The following ACAP2 variants were observed in gnomAD, a reference collection of about 807,000 sequenced individuals.
ACAP2 encodes the protein ArfGAP with coiled-coil, ankyrin repeat and PH domains 2, also known as arf-GAP with coiled-coil, ANK repeat and PH domain-containing protein 2.
ACAP2 carries 39 observed loss-of-function variants against 115.8 expected under a neutral mutation model. That is an observed-to-expected ratio of 0.34 (90% CI 0.26 to 0.44). The LOEUF is 0.44. Ranked by LOEUF, ACAP2 falls within the 20% of genes least tolerant of loss-of-function variation. ACAP2 has a pLI of 1.00. For missense variants in ACAP2, 662 were observed against 927.6 expected (o/e 0.71, Z 3.72); for synonymous variants, 289 against 315.8 (o/e 0.92, Z 0.90).
chr3:195,400,174 G>A (rs1190172118), intron 1 of ACAP2, among the ~76,000 whole-genome samples: 3 of 148,316 alleles, frequency 2.0e-5, no homozygotes, highest in Non-Finnish European at 4.4e-5. Context: ...ATGACAGTCC[G>A]TCTCAAAAAA....
chr3:195,392,636 T>C (rs968579538), intron 1 of ACAP2, among the ~76,000 whole-genome samples: 3 of 152,214 alleles, frequency 2.0e-5, no homozygotes, highest in Non-Finnish European at 2.9e-5. Flanking sequence ...TCATCTCTCT[T>C]CTTCTCCTAG....
chr3:195,428,892 C>T (rs772197810), intron 1 of ACAP2, among the ~76,000 whole-genome samples: 17 of 152,262 alleles, frequency 1.1e-4, no homozygotes, highest in South Asian at 4.1e-4. Context: ...CTTATAAACA[C>T]GTTTACCCCT....
intron 21 of ACAP2, 35 bp from the exon 22 acceptor site, chr3:195,285,892 TATATA>T (rs763885785): frequency 4.1e-6 from 6 of 1,452,816 alleles, no homozygotes; most frequent in East Asian, 2.4e-5. Flanking sequence ...TAGATGACAT[TATATA>T]ATATAAATGT....
chr3:195,338,560 A>G (rs1378067795), intron 6 of ACAP2, among the ~76,000 whole-genome samples: 1 of 152,170 alleles, frequency 6.6e-6, no homozygotes, highest in African/African-American at 2.4e-5. Flanking sequence ...GCTTCAAGCA[A>G]TCCTCCTGCC....
intron 8 of ACAP2, among the ~76,000 whole-genome samples, chr3:195,329,655 T>A (rs1163258860): frequency 6.6e-6 from 1 of 152,178 alleles, no homozygotes; most frequent in Non-Finnish European, 1.5e-5. Context: ...TTCTACTGCC[T>A]GGGTCCCCAG....
At chr3:195,307,122 G>T in intron 12 of ACAP2, 101 bp downstream of exon 12, 2 of 857,868 alleles carry the variant, frequency 2.3e-6, no homozygotes, top group Non-Finnish European at 1.9e-6. Flanking sequence ...TTTCTCTTTA[G>T]CACAGATACA....
intron 21 of ACAP2, among the ~76,000 whole-genome samples, chr3:195,286,451 C>G (rs1726850551): frequency 6.6e-6 from 1 of 152,162 alleles, no homozygotes; most frequent in South Asian, 2.1e-4. Context: ...GATTAAGAAG[C>G]TAAGTATTTC....
chr3:195,303,940 T>C (rs1728237399), intron 13 of ACAP2, among the ~76,000 whole-genome samples: 1 of 151,954 alleles, frequency 6.6e-6, no homozygotes, highest in Non-Finnish European at 1.5e-5. Context: ...GGTGAGTGGA[T>C]CACAAGGTCA....
intron 1 of ACAP2, among the ~76,000 whole-genome samples, chr3:195,411,883 T>C (rs1355531954): frequency 1.3e-5 from 2 of 148,718 alleles, no homozygotes; most frequent in African/African-American, 5.0e-5. Context: ...TGTCTCTATT[T>C]AGTAATAAGG....
At chr3:195,412,512 T>C (rs1713364142) in intron 1 of ACAP2, among the ~76,000 whole-genome samples, 1 of 152,058 alleles carries the variant, frequency 6.6e-6, no homozygotes, top group Non-Finnish European at 1.5e-5. Flanking sequence ...CTCAGGAGGC[T>C]GAGGCAGGAG....
intron 7 of ACAP2, chr3:195,335,964 G>A (rs556635380): frequency 3.5e-5 from 5 of 142,554 alleles, no homozygotes; most frequent in African/African-American, 1.1e-4. Context: ...ACAATGGCGC[G>A]ATTTCGGCTC....
chr3:195,425,053 A>G (rs1714577069), intron 1 of ACAP2, among the ~76,000 whole-genome samples: 1 of 149,006 alleles, frequency 6.7e-6, no homozygotes, highest in Admixed American at 6.7e-5. Context: ...AAAAAAAAAA[A>G]AGAGTTGATT....
At chr3:195,369,110 A>C (rs1732944442) in intron 4 of ACAP2, among the ~76,000 whole-genome samples, 2 of 150,570 alleles carry the variant, frequency 1.3e-5, no homozygotes, top group Non-Finnish European at 3.0e-5. Flanking sequence ...AAAAAAAAAG[A>C]GGAAGAAATT....
chr3:195,410,358 G>T (rs1216673737), intron 1 of ACAP2, among the ~76,000 whole-genome samples: 2 of 152,106 alleles, frequency 1.3e-5, no homozygotes, highest in East Asian at 3.8e-4. Context: ...CACTGAATTT[G>T]GTAATTTCTT....
chr3:195,363,310 G>C (rs2108702952), intron 4 of ACAP2, among the ~76,000 whole-genome samples: 1 of 152,272 alleles, frequency 6.6e-6, no homozygotes, highest in East Asian at 1.9e-4. Flanking sequence ...AATTAATGGA[G>C]AGACATTCTA....
chr3:195,280,423 G>A (rs1726422133), intron 22 of ACAP2, among the ~76,000 whole-genome samples: 4 of 152,014 alleles, frequency 2.6e-5, no homozygotes, highest in Admixed American at 2.6e-4. Context: ...AGTGAGCTGA[G>A]ATCGCACCAC....
intron 4 of ACAP2, among the ~76,000 whole-genome samples, chr3:195,347,341 A>G (rs183511777): frequency 6.6e-6 from 1 of 152,304 alleles, no homozygotes; most frequent in African/African-American, 2.4e-5. Context: ...ATGACATTAT[A>G]TTAAGTTACA....
At chr3:195,427,122 A>C (rs1240996203) in intron 1 of ACAP2, among the ~76,000 whole-genome samples, 1 of 152,234 alleles carries the variant, frequency 6.6e-6, no homozygotes, top group Non-Finnish European at 1.5e-5. Context: ...AGGGAGTATC[A>C]CAACCACTGC....
At chr3:195,294,902 C>A in intron 17 of ACAP2, 91 bp from the exon 18 acceptor site, 1 of 741,428 alleles carries the variant, frequency 1.3e-6, no homozygotes, top group Admixed American at 2.1e-5. Flanking sequence ...AGCTCTTACA[C>A]ATCAACATGA....
Sources: gnomAD v4.1 joint callset for allele counts (sites outside exome capture counted in the v4.1 genomes callset) on GRCh38, gnomAD v4.1.1 for gene constraint, MANE v1.5 for transcripts, NCBI Gene and HGNC (gene_info 2026-07-23, HGNC 2026-07-21) for gene names.